PFKP: variants seen among roughly 807,000 people sequenced by gnomAD.
PFKP encodes phosphofructokinase, platelet.
In PFKP, 101 loss-of-function variants were observed where a neutral mutation model predicts 94.3. The observed-to-expected ratio is 1.07, with a 90% CI of 0.91 to 1.26. The LOEUF is 1.26. Among genes scored for constraint, PFKP ranks in the 50% most tolerant of loss-of-function variants. The pLI is 0.00. For synonymous variants in PFKP, 573 were observed against 432.6 expected (o/e 1.32, Z -4.03); for missense variants, 1,145 against 1,103.3 (o/e 1.04, Z -0.53).
chr10:3,094,885 C>CA (rs570772320), intron 2 of PFKP, among the ~76,000 whole-genome samples: 3 of 151,496 alleles, frequency 2.0e-5, no homozygotes, highest in South Asian at 2.1e-4. Flanking sequence ...CTGTAGGAAA[C>CA]AAAAAAAATA....
intron 16 of PFKP, among the ~76,000 whole-genome samples, chr10:3,121,296 G>T (rs1837375147): frequency 6.6e-6 from 1 of 152,220 alleles, no homozygotes; most frequent in South Asian, 2.1e-4. Context: ...CTTTGCTGCT[G>T]CGGGGCTGGC....
chr10:3,069,094 C>T (rs1831977135), intron 1 of PFKP: 1 of 320,374 alleles, frequency 3.1e-6, no homozygotes, highest in African/African-American at 2.2e-5. Flanking sequence ...GGCCCCGACA[C>T]CCGTGCGCCG....
rs75853962 is a variant in PFKP, at chr10:3,073,578, C to T, written c.112+5871C>T. Among the ~76,000 whole-genome samples, 1,239 of 151,960 alleles carry T rather than the reference C, an allele frequency of 8.2e-3. 33 individuals are homozygous for T. The highest frequency in any genetic ancestry group is 0.028 in the African/African-American group (1,162 of 41,414). On this transcript the variant is annotated intron_variant, in intron 1 of 21. Coordinates refer to ENST00000381125, the MANE Select transcript of PFKP (RefSeq NM_002627.5). ...TCAGCTTCTCCACTTCTCCAGGTTTCCCCAATGTGAGATGCTCCCAGGAGT... is the reference window on the plus strand; with the variant it reads ...TCAGCTTCTCCACTTCTCCAGGTTTTCCCAATGTGAGATGCTCCCAGGAGT...
chr10:3,101,558 A>G lies in PFKP; in HGVS notation c.454+4A>G. The G allele has an allele frequency of 6.6e-7, 1 of 1,523,576 alleles. No individual in the cohort carries two copies. Among genetic ancestry groups the G allele is most frequent in the Non-Finnish European group, 8.8e-7 (1 of 1,134,746 alleles). The allele number at this position is 1,523,576 out of a possible 1,614,324, so 94.4% of individuals were successfully genotyped here. ...CTGGAGGAGCTGGCCAGGAACGGTGAGTGGACACCTGCTCCTCTGTCCTGC... is the reference window on the plus strand; with the variant it reads ...CTGGAGGAGCTGGCCAGGAACGGTGGGTGGACACCTGCTCCTCTGTCCTGC... On this transcript the variant is annotated splice_donor_region_variant and intron_variant, in intron 4 of 21. Coordinates refer to ENST00000381125, the MANE Select transcript of PFKP (RefSeq NM_002627.5).
intron 7 of PFKP, among the ~76,000 whole-genome samples, chr10:3,106,023 T>G (rs1402230604): frequency 6.6e-6 from 1 of 152,218 alleles, no homozygotes; most frequent in Admixed American, 6.5e-5. Context: ...CAGCTGCAGC[T>G]GCCAGAAACC....
intron 4 of PFKP, among the ~76,000 whole-genome samples, chr10:3,102,775 C>T (rs936440525): frequency 6.6e-6 from 1 of 152,194 alleles, no homozygotes; most frequent in Non-Finnish European, 1.5e-5. Context: ...TGTTTAACAG[C>T]AACTCGATGA....
rs1053000 is a variant in PFKP, at chr10:3,136,689, C to T, written c.*110C>T. ...CGTATTATTGACATTAATACCTAATCGGCGAGTGCCCATCTGCCCCACCTG... is the reference window on the plus strand; with the variant it reads ...CGTATTATTGACATTAATACCTAATTGGCGAGTGCCCATCTGCCCCACCTG... On this transcript the variant is annotated 3_prime_UTR_variant, in exon 22 of 22. Coordinates refer to ENST00000381125, the MANE Select transcript of PFKP (RefSeq NM_002627.5). The T allele has an allele frequency of 0.29, 351,096 of 1,209,600 alleles. 54,355 individuals carry two copies. The highest frequency in any genetic ancestry group is 0.32 in the Non-Finnish European group (277,434 of 861,830). The allele number at this position is 1,209,600 out of a possible 1,614,324, so 74.9% of individuals were successfully genotyped here.
chr10:3,112,168 A>G, intron 10 of PFKP, 54 bp from the exon 11 acceptor site: 2 of 1,430,974 alleles, frequency 1.4e-6, no homozygotes, highest in South Asian at 1.1e-5. Context: ...TACCCCATCC[A>G]TGATGCACCA....
intron 13 of PFKP, among the ~76,000 whole-genome samples, 197 bp from the exon 14 acceptor site, chr10:3,116,579 T>G (rs536018896): frequency 1.3e-5 from 2 of 152,210 alleles, no homozygotes; most frequent in Admixed American, 6.5e-5. Context: ...CCTCTGCTGC[T>G]CTTCATGAGT....
At chr10:3,089,299 T>A (rs1339951530) in intron 2 of PFKP, among the ~76,000 whole-genome samples, 1 of 152,224 alleles carries the variant, frequency 6.6e-6, no homozygotes, top group East Asian at 1.9e-4. Context: ...TGGGGTTTTC[T>A]CCTTTATGGG....
chr10:3,098,715 A>G (rs1186479190), intron 2 of PFKP, among the ~76,000 whole-genome samples: 3 of 148,214 alleles, frequency 2.0e-5, no homozygotes, highest in African/African-American at 4.9e-5. Context: ...GGCTTCTTCT[A>G]TCAATGTGTC....
rs75469139 is a variant in PFKP, at chr10:3,090,415, G to C, written c.186+7954G>C. On this transcript the variant is annotated intron_variant, in intron 2 of 21. Coordinates refer to ENST00000381125, the MANE Select transcript of PFKP (RefSeq NM_002627.5). ...GGACTTGGAAAAGTCTGAGACTAACGGGGCAGAGGAGCTGTTTGACTGCTT... is the reference window on the plus strand; with the variant it reads ...GGACTTGGAAAAGTCTGAGACTAACCGGGCAGAGGAGCTGTTTGACTGCTT... Among the ~76,000 whole-genome samples, 708 of 152,296 alleles carry C rather than the reference G, an allele frequency of 4.6e-3. 6 individuals are homozygous for C. The highest frequency in any genetic ancestry group is 0.016 in the African/African-American group (663 of 41,554).
At chr10:3,078,608 G>C (rs1832785082) in intron 1 of PFKP, among the ~76,000 whole-genome samples, 1 of 152,208 alleles carries the variant, frequency 6.6e-6, no homozygotes, top group Non-Finnish European at 1.5e-5. Flanking sequence ...AATTAGGAAG[G>C]CTTGAAAGTT....
At chr10:3,092,049 G>A (rs1161225516) in intron 2 of PFKP, among the ~76,000 whole-genome samples, 1 of 152,152 alleles carries the variant, frequency 6.6e-6, no homozygotes, top group Non-Finnish European at 1.5e-5. Context: ...TCCAGCCTCT[G>A]GTCTTCCCAG....
rs199830349 is a variant in PFKP, at chr10:3,109,389, T to C, written c.998T>C (p.Leu333Ser). 20 of 1,610,696 alleles carry C rather than the reference T, an allele frequency of 1.2e-5. No homozygotes were observed. The highest frequency in any genetic ancestry group is 3.3e-5 in the Admixed American group (2 of 60,012). The change falls in exon 10 of 22, where the codon TTG becomes TCG. Residue 333 changes from leucine (L) to serine (S), a missense_variant. Coordinates refer to ENST00000381125, the MANE Select transcript of PFKP (RefSeq NM_002627.5). ...ATGGGAGTGGAGGCAGTCATCGCCT[T>C]GCTAGAGGCCACCCCGGACACCCCA... ...SRMGVEAVIALLEATPDTPAC... is the reference protein window; with the variant it reads ...SRMGVEAVIASLEATPDTPAC...
rs35454947 is a variant in PFKP at position 3,079,668 on chromosome 10, G to A, written c.113-2720G>A. Among the ~76,000 whole-genome samples the A allele has an allele frequency of 4.3e-5, 5 of 115,286 alleles. No individual in the cohort carries two copies. In the South Asian group the frequency reaches 1.2e-3, roughly 28 times the overall value. The allele number at this position is 115,286 out of a possible 152,430, so 75.6% of individuals were successfully genotyped here. A position where few individuals can be genotyped will look rare whatever the true frequency, so the allele number is the denominator to read the frequency against. On this transcript the variant is annotated intron_variant, in intron 1 of 21. Transcript: ENST00000381125. ...AGGTCTTCAGAGAGCGGGGTGGGGG[G>A]GGGGGGAAGAGGAGCAGGGGTGAGG...
chr10:3,123,854 C>T (rs1837659154), intron 16 of PFKP, among the ~76,000 whole-genome samples: 1 of 152,252 alleles, frequency 6.6e-6, no homozygotes, highest in African/African-American at 2.4e-5. Context: ...AGAGCCTGCA[C>T]AGAGCGGCCC....
chr10:3,086,651 AC>A (rs1833629107), intron 2 of PFKP, among the ~76,000 whole-genome samples: 1 of 152,020 alleles, frequency 6.6e-6, no homozygotes, highest in African/African-American at 2.4e-5. Context: ...CCTGCACTAA[AC>A]CAAGCGCACA....
chr10:3,100,226 C>A (rs747542473), intron 3 of PFKP, among the ~76,000 whole-genome samples: 15 of 151,928 alleles, frequency 9.9e-5, no homozygotes, highest in Admixed American at 2.0e-4. Flanking sequence ...TGTGCTGGCT[C>A]TCGTGCTGCC....
Sources: gnomAD v4.1 joint callset for allele counts (sites outside exome capture counted in the v4.1 genomes callset) on GRCh38, gnomAD v4.1.1 for gene constraint, MANE v1.5 for transcripts, NCBI Gene and HGNC (gene_info 2026-07-23, HGNC 2026-07-21) for gene names.